Variants in CRYBG3 observed in about 807,000 individuals in gnomAD.
CRYBG3 encodes crystallin beta-gamma domain containing 3, also known as very large A-kinase anchor protein.
Under a neutral mutation model 244.2 loss-of-function variants are expected in CRYBG3, and 127 were observed. The ratio of observed to expected loss-of-function variants is 0.52; its 90% CI spans 0.45 to 0.60. CRYBG3 has a LOEUF of 0.60. Among genes scored for constraint, CRYBG3 ranks in the 20% least tolerant of loss-of-function variants. CRYBG3 has a pLI of 0.00. For missense variants in CRYBG3, 3,325 were observed against 3,442.5 expected, an observed-to-expected ratio of 0.97 and a Z score of 0.85; for synonymous variants, 1,132 against 1,195.8, an observed-to-expected ratio of 0.95 and a Z score of 1.10.
rs2039880855 is a variant in CRYBG3 at position 97,912,242 on chromosome 3, C to T, written c.8080C>T (p.Leu2694Phe). The T allele has an allele frequency of 6.2e-7, 1 of 1,606,398 alleles. No homozygotes were observed. Among genetic ancestry groups the T allele is most frequent in the Non-Finnish European group, 8.5e-7 (1 of 1,175,800 alleles). Residue 2694 changes from leucine to phenylalanine, a missense_variant, in exon 16 of 22, where the codon CTC (leucine) becomes TTC (phenylalanine). By Grantham distance (22) the Leu-to-Phe change is conservative. Coordinates refer to ENST00000389622, the MANE Select transcript of CRYBG3 (RefSeq NM_153605.4). ...AGAAGAAACTTCTGATTTGACTTCA[C>T]TCATGCCATGTTCTTTTAAAGTTCT... ...FTEETSDLTS[L>F]MPCSFKVLRG...
chr3:97,846,453 A>G (rs1025305411), intron 2 of CRYBG3, among the ~76,000 whole-genome samples: 4 of 152,170 alleles, frequency 2.6e-5, no homozygotes, highest in African/African-American at 4.8e-5. Context: ...CTTGATTATC[A>G]ATGTTCCAGA....
Position 97,861,390 on chromosome 3 carries a change from A to C in CRYBG3, c.217-2827A>C, listed in dbSNP as rs565929611. 6.6e-4 allele frequency among the ~76,000 whole-genome samples: 100 copies of C among 152,290 alleles called. 1 individual carries two copies. Among genetic ancestry groups the C allele is most frequent in the Admixed American group, 2.1e-3 (32 of 15,282 alleles). ...CAGTGATATTAATATAATGATGAGTATGTTCCTAGCTTGTAAGCTCCTTGA... is the reference window on the plus strand; with the variant it reads ...CAGTGATATTAATATAATGATGAGTCTGTTCCTAGCTTGTAAGCTCCTTGA... On this transcript the variant is annotated intron_variant, in intron 2 of 21. Coordinates refer to ENST00000389622, the MANE Select transcript of CRYBG3 (RefSeq NM_153605.4).
At chr3:97,911,757 C>T (rs951705244) in intron 15 of CRYBG3, among the ~76,000 whole-genome samples, 1 of 152,224 alleles carries the variant, frequency 6.6e-6, no homozygotes, top group African/African-American at 2.4e-5. Context: ...TCATACTAAT[C>T]TAAGCCTCTT....
chr3:97,931,089 C>T (rs969428209), intron 17 of CRYBG3, among the ~76,000 whole-genome samples: 8 of 152,040 alleles, frequency 5.3e-5, no homozygotes, highest in African/African-American at 1.7e-4. Context: ...GCCACTACCC[C>T]GTTTCCCTCC....
chr3:97,928,130 C>T (rs150831819), intron 17 of CRYBG3, among the ~76,000 whole-genome samples: 226 of 152,044 alleles, frequency 1.5e-3, no homozygotes, highest in African/African-American at 5.2e-3. Context: ...TTCACAATAG[C>T]AAAGACATGG....
intron 2 of CRYBG3, among the ~76,000 whole-genome samples, chr3:97,845,215 G>T (rs2038883274): frequency 6.6e-6 from 1 of 152,160 alleles, no homozygotes; most frequent in Non-Finnish European, 1.5e-5. Flanking sequence ...ACAGATTTAT[G>T]TAAACATAAC....
intron 2 of CRYBG3, among the ~76,000 whole-genome samples, chr3:97,858,584 C>T (rs1007968713): frequency 5.9e-5 from 9 of 151,988 alleles, no homozygotes; most frequent in African/African-American, 2.2e-4. Context: ...GTTTTTTCTG[C>T]TTCATCTAAT....
At chr3:97,936,989 G>A in intron 19 of CRYBG3, 81 bp downstream of exon 19, 1 of 1,486,412 alleles carries the variant, frequency 6.7e-7, no homozygotes, top group Non-Finnish European at 9.2e-7. Context: ...CTGAAATAAT[G>A]ATCATTTAAT....
chr3:97,911,058 G>A (rs2039866337), intron 15 of CRYBG3, among the ~76,000 whole-genome samples: 1 of 152,208 alleles, frequency 6.6e-6, no homozygotes, highest in Non-Finnish European at 1.5e-5. Context: ...GCAAGCCACA[G>A]ATGATATGGG....
intron 1 of CRYBG3, among the ~76,000 whole-genome samples, chr3:97,841,346 A>G (rs1172996972): frequency 6.6e-6 from 1 of 151,358 alleles, no homozygotes; most frequent in East Asian, 1.9e-4. Flanking sequence ...ATATGCATAT[A>G]TATATGTATA....
chr3:97,845,526 G>A (rs564298551), intron 2 of CRYBG3, among the ~76,000 whole-genome samples: 5 of 152,200 alleles, frequency 3.3e-5, no homozygotes, highest in South Asian at 2.1e-4. Context: ...AGATGCTTCC[G>A]GAAATTTAGT....
intron 1 of CRYBG3, among the ~76,000 whole-genome samples, chr3:97,839,906 T>C (rs985782986): frequency 4.6e-5 from 7 of 152,090 alleles, no homozygotes; most frequent in African/African-American, 1.4e-4. Context: ...TTTTAAAATT[T>C]GTCTAACAAA....
At chr3:97,895,348 G>A (rs2039627468) in intron 11 of CRYBG3, among the ~76,000 whole-genome samples, 1 of 152,206 alleles carries the variant, frequency 6.6e-6, no homozygotes, top group Non-Finnish European at 1.5e-5. Context: ...AGTCAAGAAA[G>A]TAGTGGGACC....
chr3:97,892,606 GTTC>G (rs1462730545), intron 10 of CRYBG3, among the ~76,000 whole-genome samples: 2 of 151,884 alleles, frequency 1.3e-5, no homozygotes, highest in Non-Finnish European at 1.5e-5. Flanking sequence ...CTACTGTTTT[GTTC>G]TTCTTAGCAC....
intron 1 of CRYBG3, among the ~76,000 whole-genome samples, chr3:97,832,537 C>A (rs182618157): frequency 6.6e-6 from 1 of 152,158 alleles, no homozygotes; most frequent in Admixed American, 6.6e-5. Context: ...TGAAACTGGA[C>A]CCCTTCCTTA....
At position 97,873,315 on chromosome 3, in the gene CRYBG3, C is replaced by A; in HGVS notation, c.2121C>A (p.Asn707Lys). 1.3e-6 allele frequency: 2 copies of A among 1,535,728 alleles called. No individual in the cohort carries two copies. The highest frequency in any genetic ancestry group is 1.2e-5 in the South Asian group (1 of 84,004). The change falls in exon 4 of 22, where the codon AAC (asparagine) becomes AAA (lysine). Residue 707 changes from asparagine (N) to lysine (K), a missense_variant. Asn to Lys is a moderately conservative substitution (Grantham distance 94). Around this residue, in one of 4 missense-constraint regions of CRYBG3, gnomAD observed 1,526 missense variants for 1,443.2 expected, o/e 1.06. Transcript: ENST00000389622. ...PRKCKEENVK[N>K]HVEAAGRKSP... ...AGTGTAAAGAAGAAAATGTGAAAAA[C>A]CATGTTGAGGCTGCAGGCAGGAAGA...
At chr3:97,836,124 A>G (rs781160568) in intron 1 of CRYBG3, among the ~76,000 whole-genome samples, 2 of 152,092 alleles carry the variant, frequency 1.3e-5, no homozygotes, top group African/African-American at 4.8e-5. Flanking sequence ...AGGTAGATAC[A>G]TAAATTATAG....
chr3:97,841,049 C>G (rs943210121), intron 1 of CRYBG3, among the ~76,000 whole-genome samples: 6 of 151,678 alleles, frequency 4.0e-5, no homozygotes, highest in African/African-American at 1.5e-4. Flanking sequence ...TTTAAAGAAG[C>G]AATTATGAGA....
At chr3:97,849,462 G>T (rs2038953194) in intron 2 of CRYBG3, among the ~76,000 whole-genome samples, 1 of 152,068 alleles carries the variant, frequency 6.6e-6, no homozygotes, top group Non-Finnish European at 1.5e-5. Flanking sequence ...GAGTGCTACT[G>T]GAGTGCCCGA....
Sources: allele counts gnomAD v4.1 joint callset (sites outside exome capture counted in the v4.1 genomes callset), GRCh38; gene constraint gnomAD v4.1.1; regional missense constraint gnomAD v4.1.1; transcripts MANE v1.5; gene names NCBI Gene and HGNC (gene_info 2026-07-23, HGNC 2026-07-21).